DAPK1: variants seen among roughly 807,000 people sequenced by gnomAD.
The protein encoded by DAPK1 is death-associated protein kinase 1.
Under a neutral mutation model 144.9 loss-of-function variants are expected in DAPK1, and 56 were observed. The ratio of observed to expected loss-of-function variants is 0.39; its 90% CI spans 0.31 to 0.48. The LOEUF (loss-of-function observed/expected upper bound fraction) is 0.48, where lower values mean the gene tolerates loss of function less well. Ranked by LOEUF, DAPK1 falls within the 20% of genes least tolerant of loss-of-function variation. The pLI is 0.95. For missense variants in DAPK1, 1,454 were observed against 1,875.4 expected, an observed-to-expected ratio of 0.78 and a Z score of 4.15; for synonymous variants, 690 against 749.0, an observed-to-expected ratio of 0.92 and a Z score of 1.29.
intron 3 of DAPK1, among the ~76,000 whole-genome samples, chr9:87,614,741 T>C (rs1829038358): frequency 6.6e-6 from 1 of 152,220 alleles, no homozygotes; most frequent in African/African-American, 2.4e-5. Context: ...TTCCCCATCC[T>C]TGTCGTGGGC....
At chr9:87,626,149 C>T (rs775853916) in intron 3 of DAPK1, among the ~76,000 whole-genome samples, 2 of 152,218 alleles carry the variant, frequency 1.3e-5, no homozygotes, top group Non-Finnish European at 2.9e-5. Context: ...TTTGCAGTGA[C>T]TCGCACCTGT....
At chr9:87,674,236 C>T (rs145254680) in intron 19 of DAPK1, among the ~76,000 whole-genome samples, 6,483 of 152,162 alleles carry the variant, frequency 0.043, 174 homozygotes, top group East Asian at 0.11. Flanking sequence ...CGGTGGCTCA[C>T]GCCTGTAATC....
At chr9:87,625,104 G>A (rs1461087430) in intron 3 of DAPK1, among the ~76,000 whole-genome samples, 1 of 152,248 alleles carries the variant, frequency 6.6e-6, no homozygotes, top group African/African-American at 2.4e-5. Context: ...ACATAGCAGA[G>A]TTGAACAGAT....
At chr9:87,580,700 C>T (rs1000651351) in intron 2 of DAPK1, among the ~76,000 whole-genome samples, 2 of 152,188 alleles carry the variant, frequency 1.3e-5, no homozygotes, top group African/African-American at 4.8e-5. Flanking sequence ...TATGACTTTA[C>T]TACCTGCTCT....
chr9:87,623,204 G>A (rs1006000717), intron 3 of DAPK1, among the ~76,000 whole-genome samples: 2 of 152,152 alleles, frequency 1.3e-5, no homozygotes, highest in Non-Finnish European at 2.9e-5. Flanking sequence ...ATAAATCATG[G>A]TGCATTTTCT....
At chr9:87,506,327 G>A (rs933456371) in intron 2 of DAPK1, among the ~76,000 whole-genome samples, 27 of 152,204 alleles carry the variant, frequency 1.8e-4, no homozygotes, top group African/African-American at 6.5e-4. Flanking sequence ...CCAGCCAAAG[G>A]CAACAGGGTC....
At chr9:87,680,457 A>C (rs1291999383) in intron 19 of DAPK1, among the ~76,000 whole-genome samples, 1 of 152,216 alleles carries the variant, frequency 6.6e-6, no homozygotes, top group Non-Finnish European at 1.5e-5. Context: ...TGAAACCAAA[A>C]GTGATGGTAG....
At chr9:87,530,779 A>T (rs916907818) in intron 2 of DAPK1, among the ~76,000 whole-genome samples, 5 of 152,106 alleles carry the variant, frequency 3.3e-5, no homozygotes, top group African/African-American at 1.2e-4. Flanking sequence ...CACAGAGGGG[A>T]GCCTTCTTGT....
At chr9:87,619,599 C>T (rs1159138893) in intron 3 of DAPK1, among the ~76,000 whole-genome samples, 2 of 152,180 alleles carry the variant, frequency 1.3e-5, no homozygotes, top group African/African-American at 2.4e-5. Flanking sequence ...CTCATGAGAA[C>T]GGGGCAGTTT....
intron 3 of DAPK1, 48 bp downstream of exon 3, chr9:87,605,223 G>C: frequency 1.3e-6 from 2 of 1,504,282 alleles, no homozygotes; most frequent in Non-Finnish European, 1.8e-6. Flanking sequence ...GTGGGCGTCA[G>C]CTGGCATCTT....
intron 3 of DAPK1, among the ~76,000 whole-genome samples, chr9:87,613,747 G>T (rs189701074): frequency 5.1e-4 from 77 of 152,254 alleles, no homozygotes; most frequent in African/African-American, 1.8e-3. Context: ...TGATAAATGG[G>T]GTGTGTGGCA....
chr9:87,506,873 A>T (rs936641879), intron 2 of DAPK1: 3 of 152,242 alleles, frequency 2.0e-5, no homozygotes, highest in African/African-American at 4.8e-5. Flanking sequence ...GATTTTCCAC[A>T]TCATCTAACT....
At chr9:87,587,757 A>AT (rs1827987786) in intron 2 of DAPK1, among the ~76,000 whole-genome samples, 1 of 152,234 alleles carries the variant, frequency 6.6e-6, no homozygotes, top group South Asian at 2.1e-4. Flanking sequence ...AGCAGCCTTC[A>AT]TGGAGAGCCA....
rs546986109 is a variant in DAPK1 at position 87,700,176 on chromosome 9, G to C, written c.2810G>C (p.Gly937Ala). 102 of 1,607,702 alleles carry C rather than the reference G, an allele frequency of 6.3e-5. No homozygotes were observed. In the South Asian group the frequency reaches 7.1e-4, roughly 11 times the overall value. Reference protein sequence around the residue: ...KLFVLDAGASGSKDMKVLRNH... With the variant: ...KLFVLDAGASASKDMKVLRNH... ...TTTGTTCTGGATGCTGGGGCTTCTG[G>C]GTCAAAGGACATGAAGGTACTTCGA... is the stretch of plus-strand genomic sequence containing the variant. Residue 937 changes from glycine to alanine, a missense_variant, in exon 24 of 26, where the codon GGG becomes GCG. Around this residue, in one of 2 missense-constraint regions of DAPK1, gnomAD observed 1,025 missense variants for 1,237.9 expected, o/e 0.83. Coordinates refer to ENST00000408954, the MANE Select transcript of DAPK1 (RefSeq NM_004938.4).
At chr9:87,571,085 G>C (rs1023030131) in intron 2 of DAPK1, among the ~76,000 whole-genome samples, 2 of 152,162 alleles carry the variant, frequency 1.3e-5, no homozygotes, top group African/African-American at 4.8e-5. Flanking sequence ...TAAAGAAAAT[G>C]TGGATGCCTC....
At chr9:87,651,452 C>A in intron 16 of DAPK1, 75 bp from the exon 17 acceptor site, 1 of 1,431,028 alleles carries the variant, frequency 7.0e-7, no homozygotes, top group Non-Finnish European at 9.8e-7. Context: ...CACTCGATGG[C>A]GGCAGAAAAG....
At position 87,697,061 on chromosome 9, in the gene DAPK1, G is replaced by T; in HGVS notation, c.2468G>T (p.Cys823Phe). 2 of 1,594,996 alleles carry T rather than the reference G, an allele frequency of 1.3e-6. No homozygotes were observed. The highest frequency in any genetic ancestry group is 1.7e-6 in the Non-Finnish European group (2 of 1,162,444). Reference protein sequence around the residue: ...EFSGNPVYFCCYDYFAANDPT... With the variant: ...EFSGNPVYFCFYDYFAANDPT... ...TCTGGAAATCCTGTGTATTTCTGCTGTTATGACTATTTTGCTGCAAATGAT... is the reference window on the plus strand; with the variant it reads ...TCTGGAAATCCTGTGTATTTCTGCTTTTATGACTATTTTGCTGCAAATGAT... The change falls in exon 22 of 26, where the codon TGT (cysteine) becomes TTT (phenylalanine). Residue 823 changes from cysteine to phenylalanine, a missense_variant. Transcript: ENST00000408954.
At chr9:87,506,534 A>G (rs909481032) in intron 2 of DAPK1, among the ~76,000 whole-genome samples, 1 of 152,220 alleles carries the variant, frequency 6.6e-6, no homozygotes, top group Non-Finnish European at 1.5e-5. Context: ...GAGTTATGTA[A>G]TGTCTAAGAG....
At chr9:87,575,241 TAAAATAAA>T (rs1827502453) in intron 2 of DAPK1, among the ~76,000 whole-genome samples, 2 of 76,372 alleles carry the variant, frequency 2.6e-5, no homozygotes, top group African/African-American at 1.0e-4. Context: ...TAAAATAAAA[TAAAATAAA>T]ATAAAATAAA....
Sources: allele counts gnomAD v4.1 joint callset (sites outside exome capture counted in the v4.1 genomes callset), GRCh38; gene constraint gnomAD v4.1.1; regional missense constraint gnomAD v4.1.1; transcripts MANE v1.5; gene names NCBI Gene and HGNC (gene_info 2026-07-23, HGNC 2026-07-21).